The following LBHD1 variants were observed in gnomAD, a reference collection of about 807,000 sequenced individuals.
LBHD1 encodes the protein LBH domain-containing protein 1.
In LBHD1, 28 loss-of-function variants were observed where a neutral mutation model predicts 31.1. The observed-to-expected ratio is 0.90, with a 90% CI of 0.67 to 1.24. LBHD1 has a LOEUF of 1.24. LBHD1 is among the 50% of genes most tolerant of loss of function. The pLI is 0.00. For missense variants in LBHD1, 350 were observed against 323.0 expected (o/e 1.08, Z -0.64); for synonymous variants, 105 against 116.5 (o/e 0.90, Z 0.63).
At chr11:62,665,320 G>T in intron 4 of LBHD1, 1 of 729,382 alleles carries the variant, frequency 1.4e-6, no homozygotes, top group South Asian at 1.6e-5. Context: ...GCCTTTCGGA[G>T]GGTGGTGAGC....
In LBHD1 at chr11:62,664,880, G is replaced by A. The variant is rs1944751595; in HGVS notation, c.632C>T (p.Ala211Val). 3 of 1,584,180 alleles carry A rather than the reference G, an allele frequency of 1.9e-6. No homozygotes were observed. In the East Asian group the frequency reaches 6.9e-5, roughly 36 times the overall value. ...TTCTTGAGGTGGTGCCGCGTGATCA[G>A]CCCTTGGTCTATCACAGCCCCGACC... ...PGGRGCDRPRADHAAPPQEAG... is the reference protein window; with the variant it reads ...PGGRGCDRPRVDHAAPPQEAG... Residue 211 changes from alanine to valine, a missense_variant, in exon 5 of 7, where the codon GCT becomes GTT. Coordinates refer to ENST00000354588, the MANE Select transcript of LBHD1 (RefSeq NM_024099.5).
chr11:62,669,663 G>C lies in LBHD1; in HGVS notation c.291C>G (p.Phe97Leu). 1.2e-6 allele frequency: 2 copies of C among 1,613,950 alleles called. No homozygotes were observed. The highest frequency in any genetic ancestry group is 1.7e-6 in the Non-Finnish European group (2 of 1,179,908). ...CACCTGGCTCTTCACTTTGGTCTTG[G>C]AAGAAGGCCTCAGCATCCTCTTCCT... ...DGEEEDAEAF[F>L]QDQSEEPGWA... Residue 97 changes from phenylalanine (F) to leucine (L), a missense_variant, in exon 3 of 7, where the codon TTC becomes TTG. Physicochemically the swap from Phe to Leu is conservative, Grantham distance 22. Transcript: ENST00000354588.
intron 4 of LBHD1, chr11:62,665,306 G>T: frequency 1.4e-6 from 1 of 715,224 alleles, no homozygotes; most frequent in Non-Finnish European, 2.4e-6. Context: ...CCGCGGTGCG[G>T]GAGGCCTTTC....
intron 4 of LBHD1, chr11:62,666,182 C>CA (rs1227920592): frequency 3.5e-5 from 25 of 709,362 alleles, no homozygotes; most frequent in Non-Finnish European, 4.6e-5. Flanking sequence ...ACCCTGTCTA[C>CA]AAAAAAAATT....
Position 62,664,836 on chromosome 11 carries a change from G to A in LBHD1, c.663+13C>T, listed in dbSNP as rs990182722. The A allele has an allele frequency of 5.1e-6, 8 of 1,559,310 alleles. No individual in the cohort carries two copies. Among genetic ancestry groups the A allele is most frequent in the South Asian group, 3.5e-5 (3 of 85,008 alleles). ...GGTGGGGACGACCAACAGGAAGAGG[G>A]TCTAGTACTTACGCCCGCTTCTTGA... is the stretch of plus-strand genomic sequence containing the variant. On this transcript the variant is annotated intron_variant, in intron 5 of 6. Coordinates refer to ENST00000354588, the MANE Select transcript of LBHD1 (RefSeq NM_024099.5).
intron 4 of LBHD1, chr11:62,667,196 T>G (rs1944843606): frequency 1.2e-6 from 1 of 834,020 alleles, no homozygotes; most frequent in African/African-American, 1.7e-5. Context: ...GCTGAATGTT[T>G]CTGTTCCCCA....
At chr11:62,663,899 C>G (rs1366016184) in intron 5 of LBHD1, among the ~76,000 whole-genome samples, 2 of 150,292 alleles carry the variant, frequency 1.3e-5, no homozygotes, top group African/African-American at 4.9e-5. Context: ...ATGGTGAAAC[C>G]CCGTCTCTAC....
chr11:62,669,788 A>C lies in LBHD1; in HGVS notation c.166T>G (p.Ser56Ala), dbSNP rs1326325527. 6.2e-7 allele frequency: 1 copy of C among 1,614,188 alleles called. No individual in the cohort carries two copies. The highest frequency in any genetic ancestry group is 2.2e-5 in the East Asian group (1 of 44,874). Residue 56 changes from serine to alanine, a missense_variant, in exon 3 of 7, where the codon TCC (serine) becomes GCC (alanine). By Grantham distance (99) the Ser-to-Ala change is moderately conservative. Coordinates refer to ENST00000354588, the MANE Select transcript of LBHD1 (RefSeq NM_024099.5). ...HQHIQDFSQK[S>A]HLPSIVVESS... is the part of the protein sequence containing the mutation. ...TCCACCACAATAGACGGCAGATGGG[A>C]CTTTTGAGAGAAATCCTGAATAGGG...
rs1319711619 is a variant in LBHD1 at position 62,671,726 on chromosome 11, C to T, written c.-173G>A. The T allele has an allele frequency of 1.2e-6, 2 of 1,611,806 alleles. No individual in the cohort carries two copies. The highest frequency in any genetic ancestry group is 1.7e-5 in the Admixed American group (1 of 59,958). On this transcript the variant is annotated 5_prime_UTR_variant, in exon 1 of 7. Transcript: ENST00000354588. ...CTGCGGGGAGCTCCCGTGGGCGCTCCGCTGGCTGTGCAGGCGGCCATGGAT... is the reference window on the plus strand; with the variant it reads ...CTGCGGGGAGCTCCCGTGGGCGCTCTGCTGGCTGTGCAGGCGGCCATGGAT...
chr11:62,666,619 T>G (rs370220110), intron 4 of LBHD1: 6 of 1,614,118 alleles, frequency 3.7e-6, no homozygotes, highest in Non-Finnish European at 5.1e-6. Flanking sequence ...ACACCAAATC[T>G]CCACACCCAG....
chr11:62,663,112 T>A lies in LBHD1; in HGVS notation c.*17A>T. 6.2e-7 allele frequency: 1 copy of A among 1,613,970 alleles called. No individual in the cohort carries two copies. The highest frequency in any genetic ancestry group is 8.5e-7 in the Non-Finnish European group (1 of 1,179,888). On this transcript the variant is annotated 3_prime_UTR_variant, in exon 7 of 7. Coordinates refer to ENST00000354588, the MANE Select transcript of LBHD1 (RefSeq NM_024099.5). ...TGGGGGGCTTTTGTCTTCTTTTGCC[T>A]TTTGAGCTGTGGTTCACTAGTCCTG...
At chr11:62,665,171 G>A in intron 4 of LBHD1, 198 bp from the exon 5 acceptor site, 5 of 865,164 alleles carry the variant, frequency 5.8e-6, no homozygotes, top group Non-Finnish European at 9.4e-6. Flanking sequence ...AGCTCCCATA[G>A]TCGCGATTCC....
intron 4 of LBHD1, chr11:62,665,582 G>C (rs776080822): frequency 6.4e-7 from 1 of 1,569,748 alleles, no homozygotes; most frequent in African/African-American, 1.3e-5. Flanking sequence ...GAATCTCGGA[G>C]AAGGACAACC....
chr11:62,664,974 C>T lies in LBHD1; in HGVS notation c.539-1G>A. The T allele has an allele frequency of 4.3e-6, 7 of 1,611,052 alleles. No individual in the cohort carries two copies. The highest frequency in any genetic ancestry group is 5.9e-6 in the Non-Finnish European group (7 of 1,179,780). On this transcript the variant is annotated splice_acceptor_variant, in intron 4 of 6. Coordinates refer to ENST00000354588, the MANE Select transcript of LBHD1 (RefSeq NM_024099.5). LOFTEE classifies it high-confidence loss of function. Reference sequence around the variant, plus strand: ...GTTTGAACAGCTTCTTCTTCAGCTCCTGCCGGGGAGAAAGATGCGAATCAG... The same window carrying T: ...GTTTGAACAGCTTCTTCTTCAGCTCTTGCCGGGGAGAAAGATGCGAATCAG...
In LBHD1 at chr11:62,667,527, A is replaced by G; in HGVS notation, c.534T>C (p.Phe178=). 1 of 1,613,756 alleles carries G rather than the reference A, an allele frequency of 6.2e-7. No homozygotes were observed. Among genetic ancestry groups the G allele is most frequent in the African/African-American group, 1.3e-5 (1 of 75,048 alleles). The part of the protein sequence containing the change: ...EYSHLLPPNS[F]EGAEEEAVQT... ...GGGGGAGGGAACAATACTTACCCTC[A>G]AAGCTATTAGGAGGCAGGAGATGGG... is the stretch of plus-strand genomic sequence containing the variant. The change falls in exon 4 of 7, where the codon TTT becomes TTC. Residue 178 remains phenylalanine (F), a synonymous_variant. Coordinates refer to ENST00000354588, the MANE Select transcript of LBHD1 (RefSeq NM_024099.5).
chr11:62,665,160 G>A (rs760141709), intron 4 of LBHD1, 187 bp from the exon 5 acceptor site: 23 of 912,862 alleles, frequency 2.5e-5, no homozygotes, highest in Non-Finnish European at 3.3e-5. Flanking sequence ...TTTCCCCCCG[G>A]AGCTCCCATA....
chr11:62,671,431 A>G (rs1944940199), intron 1 of LBHD1, 133 bp downstream of exon 1: 10 of 1,282,066 alleles, frequency 7.8e-6, no homozygotes, highest in Non-Finnish European at 9.0e-6. Flanking sequence ...ATGGGCAATC[A>G]TAAAACCCAC....
chr11:62,666,358 G>C lies in LBHD1; in HGVS notation c.538+1165C>G, dbSNP rs368591897. On this transcript the variant is annotated intron_variant, in intron 4 of 6. Transcript: ENST00000354588. ...GTATATACGACGTTTTTGCAGTGGC[G>C]ACATAGACCAAGTGACACCCTCCAA... The C allele has an allele frequency of 4.1e-5, 66 of 1,599,550 alleles. No homozygotes were observed. In the South Asian group the frequency reaches 7.0e-4, roughly 17 times the overall value.
chr11:62,665,199 G>T, intron 4 of LBHD1: 2 of 805,284 alleles, frequency 2.5e-6, no homozygotes, highest in Non-Finnish European at 4.2e-6. Context: ...TTCACGGTCC[G>T]TACTTCCGCT....
Sources: allele counts gnomAD v4.1 joint callset (sites outside exome capture counted in the v4.1 genomes callset), GRCh38; gene constraint gnomAD v4.1.1; transcripts MANE v1.5; gene names NCBI Gene and HGNC (gene_info 2026-07-23, HGNC 2026-07-21).